Variants in LFNG observed in about 807,000 individuals in gnomAD.
LFNG encodes the protein beta-1,3-N-acetylglucosaminyltransferase lunatic fringe.
A neutral mutation model predicts 32.7 loss-of-function variants in LFNG; 15 were observed. That is an observed-to-expected ratio of 0.46 (90% CI 0.31 to 0.71). LFNG has a LOEUF of 0.71. Ranked by LOEUF, LFNG falls within the 30% of genes least tolerant of loss-of-function variation. The pLI, the probability that LFNG is intolerant of heterozygous loss-of-function variation, is 0.06. For missense variants in LFNG, 520 were observed against 545.7 expected, an observed-to-expected ratio of 0.95 and a Z score of 0.47; for synonymous variants, 274 against 246.8, an observed-to-expected ratio of 1.11 and a Z score of -1.03.
At position 2,525,456 on chromosome 7, in the gene LFNG, G is replaced by T. The variant is rs774822741; in HGVS notation, c.624G>T (p.Arg208=). The T allele has an allele frequency of 1.5e-5, 24 of 1,612,756 alleles. No individual in the cohort carries two copies. Among genetic ancestry groups the T allele is most frequent in the Non-Finnish European group, 1.9e-5 (23 of 1,179,872 alleles). The change falls in exon 4 of 8, where the codon CGG becomes CGT. Residue 208 remains arginine, a synonymous_variant. Transcript: ENST00000222725. ...ACGATGACAACTACGTCAACCTGCG[G>T]GCCCTGCTGCGGCTGCTGGCCAGCT... The part of the protein sequence containing the change: ...HVDDDNYVNL[R]ALLRLLASYP...
chr7:2,524,764 G>A (rs971703992), intron 2 of LFNG, 21 bp downstream of exon 2: 12 of 1,570,194 alleles, frequency 7.6e-6, no homozygotes, highest in South Asian at 2.3e-5. Flanking sequence ...GACTTGGGGC[G>A]GGAGGGGGCC....
Position 2,527,877 on chromosome 7 carries a change from C to T in LFNG, c.*665C>T, listed in dbSNP as rs1780041225. On this transcript the variant is annotated 3_prime_UTR_variant, in exon 8 of 8. Coordinates refer to ENST00000222725, the MANE Select transcript of LFNG (RefSeq NM_001040167.2). This position sits in a 1 kb window ranked among gnomAD's most constrained non-coding sequence, Gnocchi z 4.4. The stretch of plus-strand genomic sequence containing the variant: ...CTTCTGAGTGGGGAGTCTTCCAGGC[C>T]TCCTCAGAGGTCTTCCCTTTGCCTC... 2 of 994,486 alleles carry T rather than the reference C, an allele frequency of 2.0e-6. No individual in the cohort carries two copies. The highest frequency in any genetic ancestry group is 4.4e-5 in the South Asian group (1 of 22,750). The allele number at this position is 994,486 out of a possible 1,614,324, so 61.6% of individuals were successfully genotyped here. A position where few individuals can be genotyped will look rare whatever the true frequency, so the allele number is the denominator to read the frequency against.
At position 2,520,653 on chromosome 7, in the gene LFNG, T is replaced by C. The variant is rs1779763392; in HGVS notation, c.432+360T>C. 6.6e-6 allele frequency among the ~76,000 whole-genome samples: 1 copy of C among 152,258 alleles called. No individual in the cohort carries two copies. The highest frequency in any genetic ancestry group is 1.5e-5 in the Non-Finnish European group (1 of 68,042). ...TCCTCAAACTTCCACAAGCAAATTCTGTTCGGACCCACCCTCAGCTCAGAC... is the reference window on the plus strand; with the variant it reads ...TCCTCAAACTTCCACAAGCAAATTCCGTTCGGACCCACCCTCAGCTCAGAC... On this transcript the variant is annotated intron_variant, in intron 1 of 7. Transcript: ENST00000222725. This position sits in a 1 kb window ranked among gnomAD's most constrained non-coding sequence, Gnocchi z 5.0.
chr7:2,527,025 T>C lies in LFNG; in HGVS notation c.1073+104T>C, dbSNP rs749914521. ...TCTCTCTAAGCGGCATGACTCTACA[T>C]AGAGGTGTCCCCCGGAGTCCTGCTT... On this transcript the variant is annotated intron_variant, in intron 7 of 7. Transcript: ENST00000222725. The surrounding 1 kb of genome is among the most constrained non-coding windows in gnomAD (Gnocchi z 4.4). 2 of 1,415,766 alleles carry C rather than the reference T, an allele frequency of 1.4e-6. No individual in the cohort carries two copies. The highest frequency in any genetic ancestry group is 2.0e-6 in the Non-Finnish European group (2 of 1,012,132). The allele number at this position is 1,415,766 out of a possible 1,614,324, so 87.7% of individuals were successfully genotyped here. A position where few individuals can be genotyped will look rare whatever the true frequency, so the allele number is the denominator to read the frequency against.
chr7:2,524,518 A>G (rs935282069), intron 1 of LFNG, 177 bp from the exon 2 acceptor site: 2 of 678,470 alleles, frequency 2.9e-6, no homozygotes, highest in African/African-American at 3.5e-5. Flanking sequence ...TGGCACTGAG[A>G]TGGGGCACTT....
upstream of LFNG, chr7:2,517,936 G>A (rs1199845054): frequency 6.1e-6 from 7 of 1,152,898 alleles, no homozygotes; most frequent in Non-Finnish European, 7.6e-6. Flanking sequence ...TGGAGAATAA[G>A]TAAAGCAGGT....
chr7:2,519,505 G>A (rs964368617), upstream of LFNG, among the ~76,000 whole-genome samples: 6 of 151,744 alleles, frequency 4.0e-5, no homozygotes, highest in African/African-American at 1.5e-4. Flanking sequence ...CAGGGACACC[G>A]GCGCGGGCCG....
chr7:2,519,743 G>A (rs1206044493), upstream of LFNG: 8 of 533,846 alleles, frequency 1.5e-5, no homozygotes, highest in Non-Finnish European at 1.9e-5. Context: ...GGGCGGGGAG[G>A]TTTAAGAGCG....
chr7:2,513,747 G>A (rs1007266947), upstream of LFNG, among the ~76,000 whole-genome samples: 4 of 152,244 alleles, frequency 2.6e-5, no homozygotes, highest in African/African-American at 9.6e-5. Context: ...TGGCTCTGGT[G>A]CCTCCCTGGT....
At position 2,527,468 on chromosome 7, in the gene LFNG, T is replaced by C. The variant is rs1307472203; in HGVS notation, c.*256T>C. ...GGGCCAGTGGGCTGCAGGGCCTGCT[T>C]GGAGGAAGGATTTGTGTGTCGGAGG... On this transcript the variant is annotated 3_prime_UTR_variant, in exon 8 of 8. Transcript: ENST00000222725. The surrounding 1 kb of genome is among the most constrained non-coding windows in gnomAD (Gnocchi z 4.4). The C allele has an allele frequency of 1.4e-6, 2 of 1,409,308 alleles. No homozygotes were observed. The highest frequency in any genetic ancestry group is 2.9e-5 in the Admixed American group (1 of 34,762). The allele number at this position is 1,409,308 out of a possible 1,614,324, so 87.3% of individuals were successfully genotyped here.
At chr7:2,513,246 CAGAT>C (rs1562547762), upstream of LFNG, 5 of 1,398,042 alleles carry the variant, frequency 3.6e-6, no homozygotes, top group Non-Finnish European at 5.0e-6. Flanking sequence ...GACAGATGGA[CAGAT>C]GGATGGATGG....
At position 2,519,918 on chromosome 7, in the gene LFNG, C is replaced by T. The variant is rs1779736182; in HGVS notation, c.57C>T (p.Ala19=). The T allele has an allele frequency of 1.8e-6, 2 of 1,083,006 alleles. No individual in the cohort carries two copies. Among genetic ancestry groups the T allele is most frequent in the East Asian group, 7.0e-5 (1 of 14,298 alleles). The allele number at this position is 1,083,006 out of a possible 1,614,324, so 67.1% of individuals were successfully genotyped here. ...TGGCGCTGGCGGGCGCGCTGCTCGC[C>T]TGCCTGCTGGTGCTCACCGCCGACC... ...LLLALAGALL[A]CLLVLTADPP... Residue 19 remains alanine (A), a synonymous_variant, in exon 1 of 8, where the codon GCC becomes GCT. Transcript: ENST00000222725.
intron 1 of LFNG, chr7:2,512,788 C>T (rs912041976): frequency 3.4e-6 from 4 of 1,184,472 alleles, no homozygotes; most frequent in Non-Finnish European, 1.3e-6. Flanking sequence ...ATGTCTCCCC[C>T]AGTACCCCTG....
rs770757373 is a variant in LFNG at position 2,526,964 on chromosome 7, AG to A, written c.1073+47del. ...CAGATGGGCTTGCGTAGGGTGGCCT[AG>A]GGGCGTCAGGGGGCCTCGTGGAGCT... On this transcript the variant is annotated intron_variant, in intron 7 of 7. Coordinates refer to ENST00000222725, the MANE Select transcript of LFNG (RefSeq NM_001040167.2). The surrounding 1 kb of genome is among the most constrained non-coding windows in gnomAD (Gnocchi z 6.9). 1 of 1,558,852 alleles carries A rather than the reference AG, an allele frequency of 6.4e-7. No individual in the cohort carries two copies. Among genetic ancestry groups the A allele is most frequent in the East Asian group, 2.3e-5 (1 of 44,302 alleles).
At chr7:2,521,128 AC>A (rs1779775951) in intron 1 of LFNG, among the ~76,000 whole-genome samples, 1 of 146,168 alleles carries the variant, frequency 6.8e-6, no homozygotes, top group Non-Finnish European at 1.5e-5. Context: ...CCCTGCTCAA[AC>A]CCCGGAGACC....
Position 2,528,258 on chromosome 7 carries a change from C to G in LFNG, c.*1046C>G, listed in dbSNP as rs1021692602. 6.8e-5 allele frequency: 67 copies of G among 986,088 alleles called. No individual in the cohort carries two copies. Among genetic ancestry groups the G allele is most frequent in the Non-Finnish European group, 7.7e-5 (64 of 830,048 alleles). The allele number at this position is 986,088 out of a possible 1,614,324, so 61.1% of individuals were successfully genotyped here. On this transcript the variant is annotated 3_prime_UTR_variant, in exon 8 of 8. Transcript: ENST00000222725. ...CTCCTCCTGTGTAGCTGCCACCTCC[C>G]CGCTGGGCCCAGCATGGCTCACCTG...
chr7:2,524,577 G>A (rs1779890401), intron 1 of LFNG, 118 bp from the exon 2 acceptor site: 1 of 926,852 alleles, frequency 1.1e-6, no homozygotes, highest in African/African-American at 1.6e-5. Flanking sequence ...AGAAGGGTGG[G>A]TGTCAGTGTG....
In LFNG at chr7:2,526,994, G is replaced by A; in HGVS notation, c.1073+73G>A. 1.4e-6 allele frequency: 2 copies of A among 1,477,448 alleles called. No homozygotes were observed. Among genetic ancestry groups the A allele is most frequent in the Middle Eastern group, 1.7e-4 (1 of 5,836 alleles). The allele number at this position is 1,477,448 out of a possible 1,614,324, so 91.5% of individuals were successfully genotyped here. On this transcript the variant is annotated intron_variant, in intron 7 of 7. Transcript: ENST00000222725. This position sits in a 1 kb window ranked among gnomAD's most constrained non-coding sequence, Gnocchi z 6.9. ...CGTCAGGGGGCCTCGTGGAGCTGCA[G>A]CAGGGTCTCTCTAAGCGGCATGACT... is the stretch of plus-strand genomic sequence containing the variant.
At chr7:2,518,421 C>T, upstream of LFNG, 1 of 712,954 alleles carries the variant, frequency 1.4e-6, no homozygotes, top group Non-Finnish European at 2.6e-6. Context: ...AGGGGTGGGG[C>T]CCCTGGGGCC....
Sources: gnomAD v4.1 joint callset for allele counts (sites outside exome capture counted in the v4.1 genomes callset) on GRCh38, gnomAD v4.1.1 for gene constraint, Gnocchi (gnomAD v3.1) non-coding constraint, MANE v1.5 for transcripts, NCBI Gene and HGNC (gene_info 2026-07-23, HGNC 2026-07-21) for gene names.